Variants in RGS3 observed in about 807,000 individuals in gnomAD.
The protein encoded by RGS3 is regulator of G-protein signalling 3.
RGS3 carries 80 observed loss-of-function variants against 132.6 expected under a neutral mutation model. The ratio of observed to expected loss-of-function variants is 0.60; its 90% CI spans 0.50 to 0.73. The LOEUF is 0.73. Ranked by LOEUF, RGS3 falls within the 30% of genes least tolerant of loss-of-function variation. The pLI, the probability that RGS3 is intolerant of heterozygous loss-of-function variation, is 0.00. For missense variants in RGS3, 1,382 were observed against 1,530.8 expected (o/e 0.90, Z 1.62); for synonymous variants, 598 against 620.6 (o/e 0.96, Z 0.54).
At chr9:113,498,051 G>A (rs773244507) in exon 10 of RGS3, 6 of 1,613,956 alleles carry the variant, frequency 3.7e-6, no homozygotes, top group Admixed American at 1.7e-5. Flanking sequence ...GCCAGGAGGT[G>A]GGGACACTGA....
chr9:113,593,608 G>A (rs534093568), intron 21 of RGS3: 16 of 376,384 alleles, frequency 4.3e-5, no homozygotes, highest in East Asian at 3.6e-4. Context: ...ACTGGATGTC[G>A]CCAATGCAGG....
chr9:113,559,685 C>T (rs1833712891), intron 19 of RGS3, among the ~76,000 whole-genome samples: 1 of 152,206 alleles, frequency 6.6e-6, no homozygotes, highest in South Asian at 2.1e-4. Context: ...ATGCTGCCTG[C>T]TGGGCTTCCG....
At chr9:113,574,342 C>A (rs979850502) in intron 19 of RGS3, among the ~76,000 whole-genome samples, 2 of 152,206 alleles carry the variant, frequency 1.3e-5, no homozygotes, top group Non-Finnish European at 2.9e-5. Flanking sequence ...TCTTTTCCCC[C>A]CTATTACCTC....
rs754820332 is a variant in RGS3, at chr9:113,594,907, C to T, written c.3183-12C>T. On this transcript the variant is annotated splice_polypyrimidine_tract_variant and intron_variant, in intron 22 of 24. Coordinates refer to ENST00000350696, the Ensembl canonical transcript of RGS3. ...TCAGTGCCCTCACTGTGTTTCCTCC[C>T]TCACCCCTCAGGCCCACCTCAGAGG... 2.5e-6 allele frequency: 4 copies of T among 1,613,736 alleles called. No individual in the cohort carries two copies. Among genetic ancestry groups the T allele is most frequent in the Middle Eastern group, 1.7e-4 (1 of 6,058 alleles).
At chr9:113,542,361 T>A (rs192715092) in intron 19 of RGS3, among the ~76,000 whole-genome samples, 6 of 152,226 alleles carry the variant, frequency 3.9e-5, no homozygotes, top group African/African-American at 1.4e-4. Context: ...CTAGATACAC[T>A]GGAGAGCCAT....
chr9:113,572,875 C>A (rs9785298), intron 19 of RGS3, among the ~76,000 whole-genome samples: 2,226 of 152,354 alleles, frequency 0.015, 60 homozygotes, highest in African/African-American at 0.051. Context: ...GTTTCCCCCC[C>A]TGAAACCTGC....
At chr9:113,522,825 A>G (rs1236189945) in intron 16 of RGS3, 105 bp from the exon 15 acceptor site, 18 of 773,152 alleles carry the variant, frequency 2.3e-5, no homozygotes. Flanking sequence ...ATGAGGATGC[A>G]TTATCTGGGG....
chr9:113,574,979 G>A (rs573982108), intron 19 of RGS3, among the ~76,000 whole-genome samples: 95 of 152,344 alleles, frequency 6.2e-4, no homozygotes, highest in African/African-American at 2.1e-3. Flanking sequence ...AGGGGTGTTT[G>A]GGGTGGTGGG....
At chr9:113,596,683 G>C in intron 24 of RGS3, 85 bp from the exon 23 acceptor site, 1 of 1,199,964 alleles carries the variant, frequency 8.3e-7, no homozygotes, top group East Asian at 2.4e-5. Flanking sequence ...GAGGTGAGAG[G>C]CTGGATGGGT....
intron 1 of RGS3, among the ~76,000 whole-genome samples, chr9:113,446,156 T>G (rs1829095407): frequency 1.3e-5 from 2 of 152,160 alleles, no homozygotes. Context: ...CCTTCTTAGA[T>G]AGAAATGATT....
intron 3 of RGS3, among the ~76,000 whole-genome samples, 160 bp downstream of exon 1, chr9:113,464,041 C>G (rs1829549352): frequency 6.6e-6 from 1 of 152,220 alleles, no homozygotes; most frequent in Non-Finnish European, 1.5e-5. Context: ...CCAGGAGGGG[C>G]TCAGGGCACA....
At chr9:113,462,146 G>T (rs1829488549) in exon 3 of RGS3, 1 of 1,614,136 alleles carries the variant, frequency 6.2e-7, no homozygotes, top group Non-Finnish European at 8.5e-7. Context: ...GAGATGAGTG[G>T]ACTCAAACTT....
At chr9:113,570,275 A>G (rs1293705519) in intron 19 of RGS3, 2 of 152,150 alleles carry the variant, frequency 1.3e-5, no homozygotes, top group African/African-American at 4.8e-5. Flanking sequence ...AAATGCAGCG[A>G]TGTAGGTGAG....
intron 19 of RGS3, among the ~76,000 whole-genome samples, chr9:113,555,682 G>T (rs896230669): frequency 4.6e-5 from 7 of 152,116 alleles, no homozygotes; most frequent in Admixed American, 1.3e-4. Context: ...GGTCAGGGTG[G>T]TCTCGAACTC....
At chr9:113,482,944 T>C (rs1410143821) in intron 4 of RGS3, 115 bp from the exon 3 acceptor site, 1 of 1,576,924 alleles carries the variant, frequency 6.3e-7, no homozygotes, top group Non-Finnish European at 8.6e-7. Flanking sequence ...GATACGCTTT[T>C]CTTTTCAGGT....
intron 19 of RGS3, among the ~76,000 whole-genome samples, chr9:113,558,818 A>G (rs1410913740): frequency 6.6e-6 from 1 of 152,222 alleles, no homozygotes; most frequent in Non-Finnish European, 1.5e-5. Context: ...AGAGGTGGCA[A>G]TGTCAAGTTG....
intron 14 of RGS3, among the ~76,000 whole-genome samples, chr9:113,511,373 A>G (rs1312293820): frequency 6.6e-6 from 1 of 152,038 alleles, no homozygotes; most frequent in East Asian, 1.9e-4. Flanking sequence ...CACAGAGCTC[A>G]GTAACTGGGT....
chr9:113,472,775 G>A (rs761874251), intron 3 of RGS3, among the ~76,000 whole-genome samples: 4 of 152,102 alleles, frequency 2.6e-5, no homozygotes, highest in Non-Finnish European at 5.9e-5. Context: ...GGCCGTGCAC[G>A]GTGGCTCAAT....
At chr9:113,475,785 G>T (rs1409353155) in intron 3 of RGS3, among the ~76,000 whole-genome samples, 1 of 151,824 alleles carries the variant, frequency 6.6e-6, no homozygotes, top group East Asian at 1.9e-4. Context: ...AGGTTGGGTG[G>T]GGGGGGTGTT....
Sources: allele counts gnomAD v4.1 joint callset (sites outside exome capture counted in the v4.1 genomes callset), GRCh38; gene constraint gnomAD v4.1.1; transcripts MANE v1.5; gene names NCBI Gene and HGNC (gene_info 2026-07-23, HGNC 2026-07-21).